The following SEL1L3 variants were observed in gnomAD, a reference collection of about 807,000 sequenced individuals.
SEL1L3 encodes the protein SEL1L family member 3, also known as protein sel-1 homolog 3.
In SEL1L3, 76 loss-of-function variants were observed where a neutral mutation model predicts 142.8. The observed-to-expected ratio is 0.53, with a 90% CI of 0.44 to 0.64. SEL1L3 has a LOEUF of 0.64. Among genes scored for constraint, SEL1L3 ranks in the 30% least tolerant of loss-of-function variants. The pLI is 0.00. For synonymous variants in SEL1L3, 504 were observed against 519.6 expected (o/e 0.97, Z 0.41); for missense variants, 1,262 against 1,381.7 (o/e 0.91, Z 1.37).
intron 11 of SEL1L3, among the ~76,000 whole-genome samples, chr4:25,792,419 C>T (rs1035465619): frequency 2.0e-5 from 3 of 152,212 alleles, no homozygotes; most frequent in Non-Finnish European, 4.4e-5. Flanking sequence ...GAAATCCAAT[C>T]TGGGCACAGA....
chr4:25,741,772 A>G, the SEL1L3 span, among the ~76,000 whole-genome samples: 1 of 151,560 alleles, frequency 6.6e-6, no homozygotes, highest in Non-Finnish European at 1.5e-5. Flanking sequence ...TGTCATTCAA[A>G]ATGTATAAAA....
At chr4:25,762,605 T>C (rs1366121081) in intron 20 of SEL1L3, among the ~76,000 whole-genome samples, 4 of 152,138 alleles carry the variant, frequency 2.6e-5, no homozygotes, top group Non-Finnish European at 5.9e-5. Flanking sequence ...CAACAGAATA[T>C]GGGGCAGCTA....
chr4:25,837,180 T>C (rs1026000666), intron 2 of SEL1L3, among the ~76,000 whole-genome samples: 1 of 147,942 alleles, frequency 6.8e-6, no homozygotes, highest in African/African-American at 2.7e-5. Flanking sequence ...AGGTTTTCTT[T>C]GGAATCTGAA....
intron 20 of SEL1L3, among the ~76,000 whole-genome samples, chr4:25,760,909 C>G (rs568179290): frequency 6.6e-6 from 1 of 152,028 alleles, no homozygotes. Context: ...ATGAGGAAAC[C>G]GAGGCACAGA....
chr4:25,748,440 C>A lies in SEL1L3; in HGVS notation c.3384G>T (p.Pro1128=), dbSNP rs535461601. The A allele has an allele frequency of 6.2e-7, 1 of 1,610,382 alleles. No individual in the cohort carries two copies. The highest frequency in any genetic ancestry group is 2.2e-5 in the East Asian group (1 of 44,786). Residue 1128 remains proline, a synonymous_variant, in exon 24 of 24, where the codon CCG becomes CCT. Transcript: ENST00000399878. ...AGTGCACAGTTCACCCACGTGGCTC[C>A]GGGTTATTAGTTACTGTGGGCTGGT... is the stretch of plus-strand genomic sequence containing the variant. ...DQDQPTVTNN[P]EPRG is the part of the protein sequence containing the mutation.
chr4:25,721,352 T>C, the SEL1L3 span, among the ~76,000 whole-genome samples: 1 of 152,094 alleles, frequency 6.6e-6, no homozygotes, highest in Non-Finnish European at 1.5e-5. Context: ...AGCTGTCAAA[T>C]TCCTCCAGCA....
At chr4:25,840,020 C>G (rs1456470824) in intron 2 of SEL1L3, among the ~76,000 whole-genome samples, 1 of 152,162 alleles carries the variant, frequency 6.6e-6, no homozygotes, top group Non-Finnish European at 1.5e-5. Context: ...TGGGTTAGGA[C>G]TGTATTAGCA....
the SEL1L3 span, among the ~76,000 whole-genome samples, chr4:25,717,216 C>A: frequency 6.6e-6 from 1 of 151,850 alleles, no homozygotes; most frequent in Non-Finnish European, 1.5e-5. Context: ...TAAAAAAAAC[C>A]CCATTAAATT....
chr4:25,780,821 A>G (rs13135389), intron 15 of SEL1L3, among the ~76,000 whole-genome samples: 1 of 120,906 alleles, frequency 8.3e-6, no homozygotes, highest in Admixed American at 9.1e-5. Flanking sequence ...ATATATATAT[A>G]TTTTATATAT....
At chr4:25,824,145 A>G (rs1223793903) in intron 6 of SEL1L3, among the ~76,000 whole-genome samples, 1 of 152,210 alleles carries the variant, frequency 6.6e-6, no homozygotes, top group Non-Finnish European at 1.5e-5. Context: ...TAAAGTTATT[A>G]TCTCTGAGAG....
intron 1 of SEL1L3, among the ~76,000 whole-genome samples, chr4:25,856,515 A>G (rs1717268148): frequency 1.3e-5 from 2 of 151,986 alleles, no homozygotes; most frequent in Non-Finnish European, 2.9e-5. Context: ...CCCTCATCAA[A>G]GTCAAATTTG....
the SEL1L3 span, among the ~76,000 whole-genome samples, chr4:25,724,245 C>G: frequency 6.6e-6 from 1 of 152,004 alleles, no homozygotes; most frequent in Non-Finnish European, 1.5e-5. Context: ...ATGGTGAGAA[C>G]CCATCTCTAC....
At chr4:25,795,066 G>T (rs184072024) in intron 11 of SEL1L3, among the ~76,000 whole-genome samples, 1 of 134,702 alleles carries the variant, frequency 7.4e-6, no homozygotes, top group Non-Finnish European at 1.6e-5. Context: ...GGGGTGGGGG[G>T]GAGGGAGAAG....
intron 2 of SEL1L3, among the ~76,000 whole-genome samples, chr4:25,843,062 T>C (rs148543001): frequency 6.6e-6 from 1 of 152,174 alleles, no homozygotes; most frequent in East Asian, 1.9e-4. Flanking sequence ...AAAGTGAGAA[T>C]GAACTTGGTA....
At chr4:25,741,769 C>CA in the SEL1L3 span, among the ~76,000 whole-genome samples, 1 of 151,476 alleles carries the variant, frequency 6.6e-6, no homozygotes, top group Non-Finnish European at 1.5e-5. Flanking sequence ...TTTTGTCATT[C>CA]AAAATGTATA....
intron 9 of SEL1L3, among the ~76,000 whole-genome samples, chr4:25,805,371 G>C (rs1022162960): frequency 6.6e-6 from 1 of 152,024 alleles, no homozygotes; most frequent in African/African-American, 2.4e-5. Context: ...TTTTTTACAC[G>C]AAGAGACTGA....
chr4:25,820,787 AT>A (rs1451136176), intron 7 of SEL1L3, among the ~76,000 whole-genome samples: 4 of 151,576 alleles, frequency 2.6e-5, no homozygotes, highest in African/African-American at 9.7e-5. Context: ...TCTTTTTTTA[AT>A]TTTTTTTATT....
At chr4:25,756,767 G>C in intron 23 of SEL1L3, 1 of 1,169,952 alleles carries the variant, frequency 8.5e-7, no homozygotes, top group South Asian at 1.7e-5. Context: ...CTCCCTCTGA[G>C]TCCGTGTGGC....
At chr4:25,770,082 T>C (rs1429730771) in intron 17 of SEL1L3, among the ~76,000 whole-genome samples, 1 of 152,104 alleles carries the variant, frequency 6.6e-6, no homozygotes, top group East Asian at 1.9e-4. Flanking sequence ...GAGCCGAGAC[T>C]GTGCAACTGC....
Sources: gnomAD v4.1 joint callset for allele counts (sites outside exome capture counted in the v4.1 genomes callset) on GRCh38, gnomAD v4.1.1 for gene constraint, MANE v1.5 for transcripts, NCBI Gene and HGNC (gene_info 2026-07-23, HGNC 2026-07-21) for gene names.